The following KCNQ1 variants were observed in gnomAD, a reference collection of about 807,000 sequenced individuals.
KCNQ1 encodes potassium voltage-gated channel subfamily Q member 1, also known as potassium voltage-gated channel subfamily KQT member 1.
A neutral mutation model predicts 72.4 loss-of-function variants in KCNQ1; 49 were observed. The observed-to-expected ratio is 0.68, with a 90% CI of 0.54 to 0.86. The LOEUF (loss-of-function observed/expected upper bound fraction) is 0.86, where lower values mean the gene tolerates loss of function less well. KCNQ1 is among the 40% of genes least tolerant of loss of function. The pLI, the probability that KCNQ1 is intolerant of heterozygous loss-of-function variation, is 0.00. For missense variants in KCNQ1, 790 were observed against 945.1 expected (o/e 0.84, Z 2.15); for synonymous variants, 450 against 412.6 (o/e 1.09, Z -1.10).
chr11:2,626,866 ATGT>A lies in KCNQ1; in HGVS notation c.1394-35090_1394-35088del. The A allele has an allele frequency of 2.5e-6, 1 of 398,522 alleles. No individual in the cohort carries two copies. The highest frequency in any genetic ancestry group is 4.4e-6 in the Non-Finnish European group (1 of 226,030). 24.7% of individuals were successfully genotyped at this position (398,522 alleles called of 1,614,324 possible). A position where few individuals can be genotyped will look rare whatever the true frequency, so the allele number is the denominator to read the frequency against. On this transcript the variant is annotated intron_variant, in intron 10 of 15. Transcript: ENST00000155840. This position sits in a 1 kb window ranked among gnomAD's most constrained non-coding sequence, Gnocchi z 4.0. ...CAAATCAGAAAGTGTGAGTCCTCCA[ATGT>A]TGTTCATCATTTTCAAGAATGTTTT...
intron 2 of KCNQ1, among the ~76,000 whole-genome samples, chr11:2,551,964 A>G (rs1233289936): frequency 6.6e-6 from 1 of 152,208 alleles, no homozygotes; most frequent in Admixed American, 6.5e-5. Flanking sequence ...GAGTTGTAAG[A>G]GTTGTGTCTA....
At chr11:2,702,932 C>T (rs1409084288) in intron 11 of KCNQ1, among the ~76,000 whole-genome samples, 5 of 152,216 alleles carry the variant, frequency 3.3e-5, no homozygotes, top group African/African-American at 9.7e-5. Flanking sequence ...GCCAGCCCAG[C>T]GCACCTGTTG....
At chr11:2,685,456 G>A in intron 11 of KCNQ1, 1 of 398,736 alleles carries the variant, frequency 2.5e-6, no homozygotes, top group Non-Finnish European at 4.4e-6. Flanking sequence ...TTATCCAGAA[G>A]CCCAGTGCAA....
intron 15 of KCNQ1, among the ~76,000 whole-genome samples, chr11:2,796,204 G>A (rs1847125556): frequency 6.6e-6 from 1 of 152,156 alleles, no homozygotes; most frequent in Non-Finnish European, 1.5e-5. Flanking sequence ...GACACCACCT[G>A]AAATCATTCC....
intron 7 of KCNQ1, among the ~76,000 whole-genome samples, chr11:2,584,358 T>C (rs946265372): frequency 6.6e-6 from 1 of 152,118 alleles, no homozygotes; most frequent in African/African-American, 2.4e-5. Context: ...TTAGTGTATG[T>C]TTTAGTGTAT....
chr11:2,570,093 G>A (rs908894021), intron 2 of KCNQ1, among the ~76,000 whole-genome samples: 3 of 151,138 alleles, frequency 2.0e-5, no homozygotes, highest in East Asian at 1.9e-4. Context: ...GAGGGCACCC[G>A]GGGTTCCTGG....
intron 10 of KCNQ1, chr11:2,640,942 C>T (rs1564842313): frequency 2.5e-6 from 1 of 398,898 alleles, no homozygotes; most frequent in African/African-American, 2.1e-5. Context: ...CTTTCTGTGC[C>T]TGGCTTAAAA....
chr11:2,840,268 G>A (rs1240467021), intron 15 of KCNQ1: 1 of 152,910 alleles, frequency 6.5e-6, no homozygotes, highest in Admixed American at 6.5e-5. Flanking sequence ...CTGGGGAGGA[G>A]GAGGGGTGGC....
chr11:2,809,860 T>A lies in KCNQ1; in HGVS notation c.1794+31823T>A, dbSNP rs1198113554. On this transcript the variant is annotated intron_variant, in intron 15 of 15. Transcript: ENST00000155840. This position sits in a 1 kb window ranked among gnomAD's most constrained non-coding sequence, Gnocchi z 7.1. ...CTTGCATAATTCTGCAACTGACCTTTTTTCTGGCCATCCTAGATTGGGTTT... is the reference window on the plus strand; with the variant it reads ...CTTGCATAATTCTGCAACTGACCTTATTTCTGGCCATCCTAGATTGGGTTT... 6.6e-6 allele frequency among the ~76,000 whole-genome samples: 1 copy of A among 152,098 alleles called. No homozygotes were observed. Among genetic ancestry groups the A allele is most frequent in the Admixed American group, 6.6e-5 (1 of 15,264 alleles).
At position 2,776,894 on chromosome 11, in the gene KCNQ1, C is replaced by T. The variant is rs533097496; in HGVS notation, c.1686-92C>T. On this transcript the variant is annotated intron_variant, in intron 13 of 15. Coordinates refer to ENST00000155840, the MANE Select transcript of KCNQ1 (RefSeq NM_000218.3). ...GTGGGTGGACAGTCCACTGTCTTGC[C>T]GGGCACGTCAAGCTGTCTGTCCCAC... The T allele has an allele frequency of 1.6e-4, 210 of 1,282,088 alleles. No individual in the cohort carries two copies. In the African/African-American group the frequency reaches 2.0e-3, roughly 12 times the overall value. The allele number at this position is 1,282,088 out of a possible 1,614,324, so 79.4% of individuals were successfully genotyped here.
chr11:2,845,470 T>A (rs1258152627), intron 15 of KCNQ1, among the ~76,000 whole-genome samples: 2 of 152,190 alleles, frequency 1.3e-5, no homozygotes, highest in African/African-American at 4.8e-5. Flanking sequence ...TCCTTGGGTG[T>A]GAGAGACCCC....
At position 2,691,592 on chromosome 11, in the gene KCNQ1, G is replaced by A. The variant is rs1485268368; in HGVS notation, c.1514+29511G>A. ...TCAGCAAGGACGAGGCCTCCCTGAG[G>A]GAGTCAACCTAGCTTGTTCCCTGCA... On this transcript the variant is annotated intron_variant, in intron 11 of 15. Transcript: ENST00000155840. The surrounding 1 kb of genome is among the most constrained non-coding windows in gnomAD (Gnocchi z 6.4). 1 of 398,440 alleles carries A rather than the reference G, an allele frequency of 2.5e-6. No homozygotes were observed. The highest frequency in any genetic ancestry group is 2.1e-5 in the African/African-American group (1 of 48,596). 24.7% of individuals were successfully genotyped at this position (398,440 alleles called of 1,614,324 possible). A position where few individuals can be genotyped will look rare whatever the true frequency, so the allele number is the denominator to read the frequency against.
At chr11:2,640,628 G>C (rs189431488) in intron 10 of KCNQ1, 1 of 396,644 alleles carries the variant, frequency 2.5e-6, no homozygotes, top group Non-Finnish European at 4.4e-6. Flanking sequence ...TACATGCATC[G>C]AATGTGTAAT....
At chr11:2,709,196 C>G (rs567404723) in intron 11 of KCNQ1, among the ~76,000 whole-genome samples, 2 of 151,872 alleles carry the variant, frequency 1.3e-5, no homozygotes, top group South Asian at 4.2e-4. Flanking sequence ...GTGGGAGCCT[C>G]CATCTCTCCT....
In KCNQ1 at chr11:2,468,385, G is replaced by A. The variant is rs898649864; in HGVS notation, c.386+22901G>A. On this transcript the variant is annotated intron_variant, in intron 1 of 15. Coordinates refer to ENST00000155840, the MANE Select transcript of KCNQ1 (RefSeq NM_000218.3). The surrounding 1 kb of genome is among the most constrained non-coding windows in gnomAD (Gnocchi z 5.7). ...TAGTCTCAAGCTCCTGAGCTCAAGC[G>A]ATCTGCCTGCCTCAGCCTCCCAAAG... is the stretch of plus-strand genomic sequence containing the variant. 5.3e-5 allele frequency among the ~76,000 whole-genome samples: 8 copies of A among 152,188 alleles called. No individual in the cohort carries two copies. The highest frequency in any genetic ancestry group is 1.4e-4 in the African/African-American group (6 of 41,444).
intron 2 of KCNQ1, among the ~76,000 whole-genome samples, 160 bp from the exon 3 acceptor site, chr11:2,570,468 G>A (rs1215956835): frequency 2.6e-5 from 4 of 152,212 alleles, no homozygotes; most frequent in African/African-American, 9.6e-5. Flanking sequence ...GCCTCTGTGC[G>A]CAGGCATCAC....
In KCNQ1 at chr11:2,447,911, G is replaced by A. The variant is rs1029809683; in HGVS notation, c.386+2427G>A. Among the ~76,000 whole-genome samples, 5 of 152,288 alleles carry A rather than the reference G, an allele frequency of 3.3e-5. No homozygotes were observed. Among genetic ancestry groups the A allele is most frequent in the Non-Finnish European group, 5.9e-5 (4 of 67,998 alleles). Reference sequence around the variant, plus strand: ...CCAGGATATCCTGTCCCCTCCTCGGGGAACCCCCCCTCCCCAGGAGAGCAG... The same window carrying A: ...CCAGGATATCCTGTCCCCTCCTCGGAGAACCCCCCCTCCCCAGGAGAGCAG... On this transcript the variant is annotated intron_variant, in intron 1 of 15. Coordinates refer to ENST00000155840, the MANE Select transcript of KCNQ1 (RefSeq NM_000218.3). The surrounding 1 kb of genome is among the most constrained non-coding windows in gnomAD (Gnocchi z 7.6).
chr11:2,614,595 A>T (rs1849031072), intron 10 of KCNQ1: 2 of 398,368 alleles, frequency 5.0e-6, no homozygotes, highest in Non-Finnish European at 8.8e-6. Flanking sequence ...TCTTTGATAT[A>T]TGAGGATCCA....
In KCNQ1 at chr11:2,621,615, T is replaced by G; in HGVS notation, c.1393+32761T>G. 1 of 398,520 alleles carries G rather than the reference T, an allele frequency of 2.5e-6. No homozygotes were observed. The highest frequency in any genetic ancestry group is 4.4e-6 in the Non-Finnish European group (1 of 226,020). 24.7% of individuals were successfully genotyped at this position (398,520 alleles called of 1,614,324 possible). On this transcript the variant is annotated intron_variant, in intron 10 of 15. Transcript: ENST00000155840. This position sits in a 1 kb window ranked among gnomAD's most constrained non-coding sequence, Gnocchi z 5.7. ...TATTCCTGATTTAATCTTAGCAGGT[T>G]GGTTTTTTTCTAGGAATTTGTCCAT...
Sources: allele counts gnomAD v4.1 joint callset (sites outside exome capture counted in the v4.1 genomes callset), GRCh38; gene constraint gnomAD v4.1.1; non-coding constraint Gnocchi (gnomAD v3.1); transcripts MANE v1.5; gene names NCBI Gene and HGNC (gene_info 2026-07-23, HGNC 2026-07-21).